RIT2: variants seen among roughly 807,000 people sequenced by gnomAD.
The protein encoded by RIT2 is Ras like without CAAX 2.
In RIT2, 24 loss-of-function variants were observed where a neutral mutation model predicts 23.7. That is an observed-to-expected ratio of 1.01 (90% confidence interval 0.73 to 1.43). RIT2 has a LOEUF of 1.43. Among genes scored for constraint, RIT2 ranks in the 40% most tolerant of loss-of-function variants. The probability of loss-of-function intolerance (pLI) is 0.00; values close to 1 mark genes in which losing one functional copy is unlikely to be tolerated. For missense variants in RIT2, 236 were observed against 266.9 expected, an observed-to-expected ratio of 0.88 and a Z score of 0.81; for synonymous variants, 107 against 91.1, an observed-to-expected ratio of 1.17 and a Z score of -0.99.
chr18:43,035,965 C>A (rs1911964777), intron 1 of RIT2, among the ~76,000 whole-genome samples: 1 of 152,120 alleles, frequency 6.6e-6, no homozygotes, highest in African/African-American at 2.4e-5. Context: ...AATGTCACAC[C>A]ATTCTATTCA....
intron 1 of RIT2, among the ~76,000 whole-genome samples, chr18:43,060,212 T>C (rs1439749684): frequency 6.6e-6 from 1 of 152,136 alleles, no homozygotes; most frequent in Admixed American, 6.5e-5. Flanking sequence ...ATAAGAGAGT[T>C]ATCCAATGTA....
intron 2 of RIT2, among the ~76,000 whole-genome samples, chr18:42,991,394 C>A (rs1173374004): frequency 1.3e-5 from 2 of 152,182 alleles, no homozygotes; most frequent in Admixed American, 6.5e-5. Flanking sequence ...ATAATTTAGA[C>A]CTGCTTCAGG....
chr18:43,042,932 G>A (rs1346692817), intron 1 of RIT2, among the ~76,000 whole-genome samples: 3 of 151,896 alleles, frequency 2.0e-5, no homozygotes, highest in Admixed American at 1.3e-4. Flanking sequence ...GATAAATACA[G>A]CATTTTCAAC....
At chr18:43,054,284 A>G (rs1043207309) in intron 1 of RIT2, among the ~76,000 whole-genome samples, 4 of 152,124 alleles carry the variant, frequency 2.6e-5, no homozygotes, top group Non-Finnish European at 5.9e-5. Flanking sequence ...GAGGACAGAA[A>G]GAATTTAAGA....
At chr18:42,758,548 T>C (rs924345346) in intron 4 of RIT2, among the ~76,000 whole-genome samples, 2 of 151,868 alleles carry the variant, frequency 1.3e-5, no homozygotes, top group African/African-American at 4.8e-5. Flanking sequence ...AGTTTTTCTC[T>C]CATCACCCAG....
intron 3 of RIT2, among the ~76,000 whole-genome samples, chr18:42,935,448 C>T (rs1218198348): frequency 6.6e-6 from 1 of 152,118 alleles, no homozygotes; most frequent in Non-Finnish European, 1.5e-5. Flanking sequence ...TTTTAGCAAA[C>T]ATGGATACCG....
At chr18:42,939,663 T>C (rs1909546151) in intron 3 of RIT2, among the ~76,000 whole-genome samples, 1 of 150,424 alleles carries the variant, frequency 6.6e-6, no homozygotes, top group African/African-American at 2.4e-5. Flanking sequence ...AATATGCCTA[T>C]AAAGTTTTTT....
chr18:43,090,845 G>A (rs951815283), intron 1 of RIT2, among the ~76,000 whole-genome samples: 4 of 151,926 alleles, frequency 2.6e-5, no homozygotes, highest in Admixed American at 2.6e-4. Context: ...ACACATGGAG[G>A]GGAATACCAC....
chr18:42,743,489 G>T lies in RIT2; in HGVS notation c.*4C>A. ...AGAGCGTGAGGAACTCAAAAGCAAA[G>T]ATATCATGTCATATTTTCTCTCTTC... is the stretch of plus-strand genomic sequence containing the variant. On this transcript the variant is annotated 3_prime_UTR_variant, in exon 5 of 5. Transcript: ENST00000326695. The T allele has an allele frequency of 6.2e-7, 1 of 1,602,450 alleles. No homozygotes were observed. The highest frequency in any genetic ancestry group is 8.5e-7 in the Non-Finnish European group (1 of 1,170,172).
intron 2 of RIT2, among the ~76,000 whole-genome samples, chr18:42,988,733 G>T (rs1910771879): frequency 6.6e-6 from 1 of 152,194 alleles, no homozygotes; most frequent in South Asian, 2.1e-4. Context: ...AGAGAAAGCG[G>T]AAAGCAGGGC....
chr18:43,041,849 T>C (rs900699711), intron 1 of RIT2, among the ~76,000 whole-genome samples: 28 of 152,232 alleles, frequency 1.8e-4, no homozygotes, highest in Admixed American at 2.0e-4. Context: ...CTCCTTGGAA[T>C]GTCAGTGGTA....
intron 2 of RIT2, among the ~76,000 whole-genome samples, chr18:43,029,253 C>T (rs1267798541): frequency 6.6e-6 from 1 of 151,932 alleles, no homozygotes; most frequent in African/African-American, 2.4e-5. Flanking sequence ...AATTGGAAGT[C>T]TAAAATGCTA....
At chr18:43,100,349 A>C (rs986697610) in intron 1 of RIT2, among the ~76,000 whole-genome samples, 1 of 152,148 alleles carries the variant, frequency 6.6e-6, no homozygotes, top group Non-Finnish European at 1.5e-5. Flanking sequence ...ACAGCATGGA[A>C]GCTGATATTT....
intron 3 of RIT2, among the ~76,000 whole-genome samples, chr18:42,952,197 C>G (rs1043615360): frequency 6.6e-6 from 1 of 152,044 alleles, no homozygotes; most frequent in Non-Finnish European, 1.5e-5. Flanking sequence ...ATTATTCAGC[C>G]TTCAAAAGGA....
chr18:43,055,572 C>T (rs573056355), intron 1 of RIT2, among the ~76,000 whole-genome samples: 30 of 152,124 alleles, frequency 2.0e-4, no homozygotes, highest in African/African-American at 5.3e-4. Context: ...CACAAAAGGG[C>T]GGGTTCATAC....
chr18:42,940,185 C>A (rs530511536), intron 3 of RIT2, among the ~76,000 whole-genome samples: 1 of 143,368 alleles, frequency 7.0e-6, no homozygotes, highest in South Asian at 2.2e-4. Flanking sequence ...CAGGTCACAT[C>A]TCCTACTTCT....
chr18:43,072,540 G>A (rs1159895901), intron 1 of RIT2, among the ~76,000 whole-genome samples: 1 of 152,160 alleles, frequency 6.6e-6, no homozygotes, highest in Non-Finnish European at 1.5e-5. Context: ...CACCTGTAAT[G>A]TTTCAGTGAA....
chr18:42,923,635 G>A lies in RIT2; in HGVS notation c.363C>T (p.Arg121=). The change falls in exon 4 of 5, where the codon CGC becomes CGT. Residue 121 remains arginine, a synonymous_variant. Transcript: ENST00000326695. ...GCACCAGGGGAATTTCATAGGTGTGGCGGACCTGAAAAATGAGCTCTTTAA... is the reference window on the plus strand; with the variant it reads ...GCACCAGGGGAATTTCATAGGTGTGACGGACCTGAAAAATGAGCTCTTTAA... The part of the protein sequence containing the change: ...AKFKELIFQV[R]HTYEIPLVLV... 1 of 1,613,394 alleles carries A rather than the reference G, an allele frequency of 6.2e-7. No homozygotes were observed. The highest frequency in any genetic ancestry group is 1.1e-5 in the South Asian group (1 of 91,052).
At chr18:43,071,707 C>T (rs185561385) in intron 1 of RIT2, among the ~76,000 whole-genome samples, 4 of 152,252 alleles carry the variant, frequency 2.6e-5, no homozygotes, top group Admixed American at 2.0e-4. Flanking sequence ...TACTATATTA[C>T]ATTTATTAAT....
Sources: gnomAD v4.1 joint callset for allele counts (sites outside exome capture counted in the v4.1 genomes callset) on GRCh38, gnomAD v4.1.1 for gene constraint, MANE v1.5 for transcripts, NCBI Gene and HGNC (gene_info 2026-07-23, HGNC 2026-07-21) for gene names.